RBFOX1: variants seen among roughly 807,000 people sequenced by gnomAD.
The protein encoded by RBFOX1 is RNA binding protein fox-1 homolog 1.
Under a neutral mutation model 57.7 loss-of-function variants are expected in RBFOX1, and 8 were observed. The ratio of observed to expected loss-of-function variants is 0.14; its 90% CI spans 0.08 to 0.25. The LOEUF is 0.25. RBFOX1 is among the 10% of genes least tolerant of loss of function. RBFOX1 has a pLI of 1.00. For missense variants in RBFOX1, 611 were observed against 548.5 expected (o/e 1.11, Z -1.14); for synonymous variants, 326 against 222.4 (o/e 1.47, Z -4.15).
chr16:6,935,464 A>G (rs2077209392), intron 3 of RBFOX1, among the ~76,000 whole-genome samples: 1 of 152,204 alleles, frequency 6.6e-6, no homozygotes, highest in South Asian at 2.1e-4. Flanking sequence ...TTTTGCAATA[A>G]TGAATGATTA....
chr16:6,481,142 C>A (rs2095365465), intron 2 of RBFOX1, among the ~76,000 whole-genome samples: 1 of 152,142 alleles, frequency 6.6e-6, no homozygotes, highest in African/African-American at 2.4e-5. Flanking sequence ...GTTTACAGTG[C>A]TCATGGGAGA....
At chr16:6,240,482 A>G (rs144998204) in intron 1 of RBFOX1, among the ~76,000 whole-genome samples, 23 of 152,020 alleles carry the variant, frequency 1.5e-4, no homozygotes, top group African/African-American at 4.3e-4. Context: ...GCTTGAAGGT[A>G]CCCCAGGCCC....
At chr16:6,928,720 T>G (rs2076038134) in intron 3 of RBFOX1, among the ~76,000 whole-genome samples, 1 of 152,188 alleles carries the variant, frequency 6.6e-6, no homozygotes, top group Non-Finnish European at 1.5e-5. Flanking sequence ...GATTAAAATG[T>G]CTGCCAATCA....
intron 3 of RBFOX1, among the ~76,000 whole-genome samples, chr16:6,829,036 C>A (rs59828367): frequency 0.19 from 29,451 of 151,908 alleles, 3,473 homozygotes; most frequent in East Asian, 0.52. Context: ...CTTCTTGAGA[C>A]GGTGTCAAGA....
rs2088717138 is a variant in RBFOX1 at position 6,811,894 on chromosome 16, TATAA to T, written c.-16+157254_-16+157257del. Among the ~76,000 whole-genome samples, 4 of 152,052 alleles carry T rather than the reference TATAA, an allele frequency of 2.6e-5. No homozygotes were observed. In the East Asian group the frequency reaches 5.8e-4, roughly 22 times the overall value. On this transcript the variant is annotated intron_variant, in intron 3 of 15. Coordinates refer to ENST00000550418, the MANE Select transcript of RBFOX1 (RefSeq NM_018723.4). ...ACACGAGTGAAACTCCATCTCAAAA[TATAA>T]ATAAATAAAATACAAAATATAAGGC...
intron 1 of RBFOX1, among the ~76,000 whole-genome samples, chr16:5,414,193 C>A (rs1449910334): frequency 6.6e-6 from 1 of 152,154 alleles, no homozygotes; most frequent in Non-Finnish European, 1.5e-5. Flanking sequence ...ACTTGATTGG[C>A]TACAAGCTGA....
At chr16:5,311,875 A>T (rs1010714098) in intron 1 of RBFOX1, among the ~76,000 whole-genome samples, 1 of 152,262 alleles carries the variant, frequency 6.6e-6, no homozygotes, top group East Asian at 1.9e-4. Context: ...TAGCTCTGAC[A>T]TTGTTCCTTC....
At chr16:6,400,685 C>T (rs149358445) in intron 2 of RBFOX1, among the ~76,000 whole-genome samples, 82 of 152,238 alleles carry the variant, frequency 5.4e-4, no homozygotes, top group African/African-American at 2.0e-3. Context: ...AGAGTGATTT[C>T]AAGTGAAATC....
intron 1 of RBFOX1, among the ~76,000 whole-genome samples, chr16:5,359,178 A>G (rs1221624154): frequency 6.6e-6 from 1 of 152,192 alleles, no homozygotes; most frequent in Non-Finnish European, 1.5e-5. Flanking sequence ...GTTTTCTGTT[A>G]TGTATAAGTA....
At chr16:7,521,021 C>T (rs146602833) in intron 5 of RBFOX1, among the ~76,000 whole-genome samples, 143 of 152,222 alleles carry the variant, frequency 9.4e-4, no homozygotes, top group African/African-American at 3.1e-3. Flanking sequence ...TGGCAAATAG[C>T]ATGTGTGATA....
chr16:6,588,380 C>T (rs1297856988), intron 2 of RBFOX1, among the ~76,000 whole-genome samples: 2 of 151,836 alleles, frequency 1.3e-5, no homozygotes, highest in Non-Finnish European at 2.9e-5. Context: ...CGGCTGGGTG[C>T]GATGGCTCAC....
At position 6,013,547 on chromosome 16, in the gene RBFOX1, A is replaced by G. The variant is rs558239886; in HGVS notation, c.351+146212A>G. Among the ~76,000 whole-genome samples, 315 of 152,304 alleles carry G rather than the reference A, an allele frequency of 2.1e-3. 3 individuals are homozygous for G. Among genetic ancestry groups the G allele is most frequent in the Middle Eastern group, 0.01 (3 of 294 alleles). ...CCTAGTAAACAAAAAGACAAGCTGT[A>G]TCATGATTTATGTCTCATGAACCTG... On this transcript the variant is annotated intron_variant, in intron 4 of 19. Coordinates refer to the RBFOX1 transcript ENST00000641259.
At chr16:6,569,965 C>A (rs562817146) in intron 2 of RBFOX1, among the ~76,000 whole-genome samples, 1 of 152,050 alleles carries the variant, frequency 6.6e-6, no homozygotes. Context: ...TGCAGCCTGC[C>A]GGTAATTTGT....
In RBFOX1 at chr16:5,738,748, G is replaced by A. The variant is rs532142792; in HGVS notation, c.319-128555G>A. Among the ~76,000 whole-genome samples the A allele has an allele frequency of 2.5e-3, 383 of 152,242 alleles. 4 individuals carry two copies. The highest frequency in any genetic ancestry group is 8.7e-3 in the African/African-American group (362 of 41,544). On this transcript the variant is annotated intron_variant, in intron 3 of 19. Transcript: ENST00000641259. The stretch of plus-strand genomic sequence containing the variant: ...GCATTTGAATTGGGAGCTGGAGTGG[G>A]GGTGCACAGCATGTGAATCAGGAAG...
intron 3 of RBFOX1, among the ~76,000 whole-genome samples, chr16:5,649,422 G>A (rs982983495): frequency 1.3e-5 from 2 of 152,180 alleles, no homozygotes; most frequent in East Asian, 1.9e-4. Context: ...CACCTGCCTC[G>A]GTCTCCCAAA....
chr16:6,934,695 C>G (rs1423699678), intron 3 of RBFOX1, among the ~76,000 whole-genome samples: 5 of 136,530 alleles, frequency 3.7e-5, no homozygotes, highest in Non-Finnish European at 7.5e-5. Context: ...AAAATATGAT[C>G]TCGAGATTTT....
chr16:5,310,941 A>T (rs541939526), intron 1 of RBFOX1, among the ~76,000 whole-genome samples: 13 of 152,292 alleles, frequency 8.5e-5, no homozygotes, highest in African/African-American at 2.9e-4. Context: ...TGCACCTATC[A>T]CCTGAGTAGT....
At chr16:6,063,523 C>A (rs2152465190) in intron 1 of RBFOX1, among the ~76,000 whole-genome samples, 1 of 150,102 alleles carries the variant, frequency 6.7e-6, no homozygotes, top group East Asian at 2.0e-4. Flanking sequence ...ATATTTTTCC[C>A]CTAGTACCTT....
At chr16:6,633,503 C>T (rs12922171) in intron 2 of RBFOX1, among the ~76,000 whole-genome samples, 15 of 151,878 alleles carry the variant, frequency 9.9e-5, no homozygotes, top group East Asian at 1.9e-4. Flanking sequence ...CATGTTGAGC[C>T]GGCTGATCTT....
Sources: gnomAD v4.1 joint callset for allele counts (sites outside exome capture counted in the v4.1 genomes callset) on GRCh38, gnomAD v4.1.1 for gene constraint, MANE v1.5 for transcripts, NCBI Gene and HGNC (gene_info 2026-07-23, HGNC 2026-07-21) for gene names.